Variants in PFAS observed in about 807,000 individuals in gnomAD.
PFAS encodes FGAM synthase.
PFAS carries 97 observed loss-of-function variants against 140.6 expected under a neutral mutation model. The observed-to-expected ratio is 0.69, with a 90% CI of 0.59 to 0.82. The LOEUF is 0.82. PFAS is among the 40% of genes least tolerant of loss of function. The pLI is 0.00. For missense variants in PFAS, 1,656 were observed against 1,780.2 expected (o/e 0.93, Z 1.26); for synonymous variants, 679 against 718.8 (o/e 0.94, Z 0.88).
upstream of PFAS, chr17:8,248,080 G>T (rs573605755): frequency 5.6e-5 from 83 of 1,484,182 alleles, 1 homozygote; most frequent in African/African-American, 8.1e-4. Flanking sequence ...GTGCTCGCTT[G>T]GGGGTGGGGA....
upstream of PFAS, chr17:8,247,998 A>C (rs1476850659): frequency 6.3e-7 from 1 of 1,576,514 alleles, no homozygotes; most frequent in Non-Finnish European, 8.6e-7. Flanking sequence ...TAATAGCAGC[A>C]CTCACGGAGG....
chr17:8,255,510 C>G lies in PFAS; in HGVS notation c.393C>G (p.His131Gln). Residue 131 changes from histidine to glutamine, a missense_variant, in exon 5 of 28, where the codon CAC becomes CAG. His to Gln is a conservative substitution (Grantham distance 24). Coordinates refer to ENST00000314666, the MANE Select transcript of PFAS (RefSeq NM_012393.3). ...TTRRYRLSFA[H>Q]PPSAEVEAIA... ...TGTGTCTGCACCCCTAGTTTGCCCA[C>G]CCCCCGTCAGCTGAGGTGGAAGCCA... The G allele has an allele frequency of 6.6e-7, 1 of 1,515,042 alleles. No homozygotes were observed. The highest frequency in any genetic ancestry group is 2.3e-5 in the East Asian group (1 of 43,856). The allele number at this position is 1,515,042 out of a possible 1,614,324, so 93.8% of individuals were successfully genotyped here. A position where few individuals can be genotyped will look rare whatever the true frequency, so the allele number is the denominator to read the frequency against.
Position 8,268,570 on chromosome 17 carries a change from G to C in PFAS, c.3420G>C (p.Gly1140=). ...CTGTGACCTTTCATCCCAGGGCTGG[G>C]GCTGAGCTGAGGCGCTTCCGGAAGC... The part of the protein sequence containing the change: ...AAAVTFHPRA[G]AELRRFRKRP... Residue 1140 remains glycine, a synonymous_variant, in exon 27 of 28, where the codon GGG becomes GGC. Transcript: ENST00000314666. 8.1e-6 allele frequency: 13 copies of C among 1,612,466 alleles called. No homozygotes were observed. Among genetic ancestry groups the C allele is most frequent in the Non-Finnish European group, 1.0e-5 (12 of 1,179,914 alleles).
At position 8,268,562 on chromosome 17, in the gene PFAS, A is replaced by C. The variant is rs1989920096; in HGVS notation, c.3412A>C (p.Arg1138=). 2 of 1,611,870 alleles carry C rather than the reference A, an allele frequency of 1.2e-6. No individual in the cohort carries two copies. The highest frequency in any genetic ancestry group is 1.3e-5 in the African/African-American group (1 of 74,636). Residue 1138 remains arginine (R), a synonymous_variant, in exon 27 of 28, where the codon AGG becomes CGG. Transcript: ENST00000314666. ...GWAAAVTFHP[R]AGAELRRFRK... Reference sequence around the variant, plus strand: ...GGCAGCTGCTGTGACCTTTCATCCCAGGGCTGGGGCTGAGCTGAGGCGCTT... The same window carrying C: ...GGCAGCTGCTGTGACCTTTCATCCCCGGGCTGGGGCTGAGCTGAGGCGCTT...
At position 8,263,600 on chromosome 17, in the gene PFAS, C is replaced by A. The variant is rs1365107421; in HGVS notation, c.1593C>A (p.Asp531Glu). 6.2e-7 allele frequency: 1 copy of A among 1,614,094 alleles called. No individual in the cohort carries two copies. Among genetic ancestry groups the A allele is most frequent in the Non-Finnish European group, 8.5e-7 (1 of 1,179,956 alleles). The change falls in exon 14 of 28, where the codon GAC becomes GAA. Residue 531 changes from aspartate to glutamate, a missense_variant. This residue lies in a region of PFAS where 773 missense variants were observed against 757.3 expected (regional missense o/e 1.02). Transcript: ENST00000314666. ...GCAATGTCCTAAAAGAGCTGAGTGA[C>A]CCAGCTGGAGCCATCATTTACACCA... ...GNGNVLKELS[D>E]PAGAIIYTSR...
chr17:8,265,684 T>C (rs1989784356), intron 20 of PFAS, 45 bp downstream of exon 20: 1 of 1,561,394 alleles, frequency 6.4e-7, no homozygotes, highest in South Asian at 1.1e-5. Context: ...TTGTGTGATC[T>C]TTGTTTGGCT....
At chr17:8,248,540 C>T (rs1211344909), upstream of PFAS, among the ~76,000 whole-genome samples, 3 of 149,486 alleles carry the variant, frequency 2.0e-5, no homozygotes, top group African/African-American at 7.4e-5. Context: ...GGATTACAGG[C>T]GTGAAACACA....
At chr17:8,264,782 C>T in intron 17 of PFAS, 113 bp from the exon 18 acceptor site, 1 of 995,668 alleles carries the variant, frequency 1.0e-6, no homozygotes, top group Non-Finnish European at 1.5e-6. Flanking sequence ...GAGCTGTTGT[C>T]TGCATTGGGG....
chr17:8,266,583 T>A lies in PFAS; in HGVS notation c.2822-170T>A. On this transcript the variant is annotated intron_variant, in intron 22 of 27. Transcript: ENST00000314666. This position sits in a 1 kb window ranked among gnomAD's most constrained non-coding sequence, Gnocchi z 5.0. ...CTTCCCATCCCTGAGATGTCCATGA[T>A]GAAACATCCTCAGTCCTGCCGTCCT... 6.8e-7 allele frequency: 1 copy of A among 1,461,064 alleles called. No individual in the cohort carries two copies. Among genetic ancestry groups the A allele is most frequent in the Non-Finnish European group, 9.0e-7 (1 of 1,112,636 alleles). 90.5% of individuals were successfully genotyped at this position (1,461,064 alleles called of 1,614,324 possible). A position where few individuals can be genotyped will look rare whatever the true frequency, so the allele number is the denominator to read the frequency against.
At chr17:8,259,125 C>CA (rs34642794) in intron 11 of PFAS, among the ~76,000 whole-genome samples, 13,087 of 118,530 alleles carry the variant, frequency 0.11, 832 homozygotes, top group South Asian at 0.29. Flanking sequence ...GCACCACTGT[C>CA]AAAAAAAAAA....
intron 18 of PFAS, 32 bp downstream of exon 18, chr17:8,265,157 C>G (rs1989759400): frequency 1.3e-6 from 2 of 1,588,630 alleles, no homozygotes; most frequent in African/African-American, 1.3e-5. Flanking sequence ...ATCCTGGAGC[C>G]CCCGGGCTTC....
intron 10 of PFAS, 49 bp downstream of exon 10, chr17:8,257,987 G>T (rs747162526): frequency 1.2e-6 from 2 of 1,612,286 alleles, no homozygotes; most frequent in Non-Finnish European, 8.5e-7. Flanking sequence ...GGGCTTGTGG[G>T]TGGGGTGTGC....
At chr17:8,249,058 C>T (rs1989013071), upstream of PFAS, among the ~76,000 whole-genome samples, 1 of 152,150 alleles carries the variant, frequency 6.6e-6, no homozygotes, top group African/African-American at 2.4e-5. Context: ...TGCTTTATGG[C>T]CTTAACTAAC....
intron 11 of PFAS, among the ~76,000 whole-genome samples, chr17:8,260,538 A>G (rs1989549933): frequency 6.6e-6 from 1 of 152,170 alleles, no homozygotes; most frequent in Non-Finnish European, 1.5e-5. Context: ...CCCATTCCTT[A>G]GTTGGTGGAC....
At chr17:8,268,300 G>C (rs914686152) in intron 26 of PFAS, among the ~76,000 whole-genome samples, 2 of 146,750 alleles carry the variant, frequency 1.4e-5, no homozygotes, top group Non-Finnish European at 3.0e-5. Context: ...TTGAACCCAG[G>C]AGGCAGAGGT....
At position 8,267,520 on chromosome 17, in the gene PFAS, C is replaced by T. The variant is rs781674671; in HGVS notation, c.3268-31C>T. 1 of 1,585,232 alleles carries T rather than the reference C, an allele frequency of 6.3e-7. No individual in the cohort carries two copies. The highest frequency in any genetic ancestry group is 1.1e-5 in the South Asian group (1 of 90,574). On this transcript the variant is annotated intron_variant, in intron 25 of 27. Coordinates refer to ENST00000314666, the MANE Select transcript of PFAS (RefSeq NM_012393.3). The surrounding 1 kb of genome is among the most constrained non-coding windows in gnomAD (Gnocchi z 4.9). ...TGTCCAGCCTCAGCTGCGTGTCCTC[C>T]CACCCACACTCCCCCTCCCCACCTT...
intron 11 of PFAS, among the ~76,000 whole-genome samples, chr17:8,261,831 G>A (rs1000933237): frequency 1.3e-5 from 2 of 151,348 alleles, no homozygotes; most frequent in Admixed American, 6.6e-5. Flanking sequence ...GGCTGGTCTC[G>A]AATTCCTGAG....
chr17:8,251,634 G>C (rs926980477), intron 1 of PFAS, among the ~76,000 whole-genome samples: 1 of 144,250 alleles, frequency 6.9e-6, no homozygotes, highest in Non-Finnish European at 1.5e-5. Context: ...GGAGTCAGCT[G>C]TTCTGCTGGA....
chr17:8,265,453 A>G lies in PFAS; in HGVS notation c.2446A>G (p.Thr816Ala), dbSNP rs1314365217. The change falls in exon 19 of 28, where the codon ACC becomes GCC. Residue 816 changes from threonine to alanine, a missense_variant. This residue lies in a region of PFAS where 883 missense variants were observed against 1,023.0 expected (regional missense o/e 0.86). Transcript: ENST00000314666. Reference sequence around the variant, plus strand: ...CATGGCTGCTCGGGTTGGCACTGAGACCGTGCGGGCTCCTGGTGAGGTGTG... The same window carrying G: ...CATGGCTGCTCGGGTTGGCACTGAGGCCGTGCGGGCTCCTGGTGAGGTGTG... ...LSMAARVGTETVRAPGSLVIS... is the reference protein window; with the variant it reads ...LSMAARVGTEAVRAPGSLVIS... 1 of 1,613,522 alleles carries G rather than the reference A, an allele frequency of 6.2e-7. No individual in the cohort carries two copies. The highest frequency in any genetic ancestry group is 2.2e-5 in the East Asian group (1 of 44,866).
Sources: gnomAD v4.1 joint callset for allele counts (sites outside exome capture counted in the v4.1 genomes callset) on GRCh38, gnomAD v4.1.1 for gene constraint, gnomAD v4.1.1 regional missense constraint, Gnocchi (gnomAD v3.1) non-coding constraint, MANE v1.5 for transcripts, NCBI Gene and HGNC (gene_info 2026-07-23, HGNC 2026-07-21) for gene names.